BPNT1: variants seen among roughly 807,000 people sequenced by gnomAD.
BPNT1 encodes 3'(2'),5'-bisphosphate nucleotidase 1.
A neutral mutation model predicts 36.9 loss-of-function variants in BPNT1; 28 were observed. The ratio of observed to expected loss-of-function variants is 0.76; its 90% CI spans 0.56 to 1.04. BPNT1 has a LOEUF of 1.04. Ranked by LOEUF, BPNT1 falls within the 50% of genes least tolerant of loss-of-function variation. The pLI is 0.00. For synonymous variants in BPNT1, 119 were observed against 130.9 expected (o/e 0.91, Z 0.62); for missense variants, 313 against 372.9 (o/e 0.84, Z 1.32).
intron 7 of BPNT1, 62 bp downstream of exon 7, chr1:220,062,695 A>G: frequency 4.5e-6 from 7 of 1,558,030 alleles, no homozygotes; most frequent in Non-Finnish European, 5.3e-6. Context: ...TCATGTTTTT[A>G]GAAGTTGAGT....
intron 2 of BPNT1, among the ~76,000 whole-genome samples, chr1:220,075,610 G>T (rs1411168228): frequency 6.6e-6 from 1 of 152,076 alleles, no homozygotes; most frequent in African/African-American, 2.4e-5. Context: ...GTAGACCACT[G>T]CGGTAGAGAA....
chr1:220,058,775 T>A lies in BPNT1; in HGVS notation c.*69A>T. The A allele has an allele frequency of 1.2e-5, 17 of 1,457,428 alleles. No homozygotes were observed. The highest frequency in any genetic ancestry group is 1.5e-5 in the Non-Finnish European group (16 of 1,050,728). The allele number at this position is 1,457,428 out of a possible 1,614,324, so 90.3% of individuals were successfully genotyped here. ...AACTCCTGAGCTCAAGTGATCCACC[T>A]GCCTCGGCCTCCCAAAGTGCTGGGA... is the stretch of plus-strand genomic sequence containing the variant. On this transcript the variant is annotated 3_prime_UTR_variant, in exon 9 of 9. Coordinates refer to ENST00000322067, the MANE Select transcript of BPNT1 (RefSeq NM_006085.6).
At chr1:220,064,061 A>G (rs982863731) in intron 6 of BPNT1, among the ~76,000 whole-genome samples, 11 of 152,168 alleles carry the variant, frequency 7.2e-5, no homozygotes, top group African/African-American at 2.7e-4. Context: ...AGTGCTTTAC[A>G]TGTATTATCT....
rs760789654 is a variant in BPNT1 at position 220,082,122 on chromosome 1, T to A, written c.-8-2268A>T. Among the ~76,000 whole-genome samples the A allele has an allele frequency of 1.7e-3, 214 of 128,900 alleles. 1 individual carries two copies. Among genetic ancestry groups the A allele is most frequent in the African/African-American group, 4.2e-3 (141 of 33,618 alleles). The allele number at this position is 128,900 out of a possible 152,430, so 84.6% of individuals were successfully genotyped here. A position where few individuals can be genotyped will look rare whatever the true frequency, so the allele number is the denominator to read the frequency against. On this transcript the variant is annotated intron_variant, in intron 1 of 8. Transcript: ENST00000322067. The stretch of plus-strand genomic sequence containing the variant: ...GAGAGAGAGAGAGAGAGAGAGAGAG[T>A]GTATATATATATAAAATATATATGA...
chr1:220,070,890 C>T (rs1342212907), intron 4 of BPNT1, among the ~76,000 whole-genome samples: 8 of 151,166 alleles, frequency 5.3e-5, no homozygotes, highest in Non-Finnish European at 1.0e-4. Flanking sequence ...ATAATCCCAG[C>T]ACTTTGGGAG....
At position 220,079,699 on chromosome 1, in the gene BPNT1, GTATGAAATGA is replaced by G; in HGVS notation, c.120+18_120+27del. 1 of 1,612,844 alleles carries G rather than the reference GTATGAAATGA, an allele frequency of 6.2e-7. No homozygotes were observed. The highest frequency in any genetic ancestry group is 8.5e-7 in the Non-Finnish European group (1 of 1,179,506). ...AACCTCAAGAACAAAAATCAAGTTG[GTATGAAATGA>G]TATGAGAGTTTGAGTACCTTCTCCA... On this transcript the variant is annotated intron_variant, in intron 2 of 8. Transcript: ENST00000322067.
At chr1:220,078,659 G>A (rs1376421242) in intron 2 of BPNT1, among the ~76,000 whole-genome samples, 2 of 150,490 alleles carry the variant, frequency 1.3e-5, no homozygotes, top group African/African-American at 2.4e-5. Flanking sequence ...GTGCAATGGT[G>A]TGATCTCAGC....
intron 2 of BPNT1, 94 bp downstream of exon 2, chr1:220,079,633 T>G (rs1664921081): frequency 2.0e-6 from 3 of 1,488,764 alleles, no homozygotes; most frequent in Middle Eastern, 1.8e-4. Context: ...TCAATTATTT[T>G]AACTGATAAA....
chr1:220,073,668 C>T (rs541725795), intron 3 of BPNT1, among the ~76,000 whole-genome samples: 2 of 152,156 alleles, frequency 1.3e-5, no homozygotes, highest in East Asian at 1.9e-4. Context: ...CAAACAACAA[C>T]GAAACCCATT....
chr1:220,075,961 A>G (rs2102712993), intron 2 of BPNT1, among the ~76,000 whole-genome samples: 2 of 152,334 alleles, frequency 1.3e-5, no homozygotes, highest in Middle Eastern at 6.8e-3. Flanking sequence ...AAGGAAAAGG[A>G]TCTGAAAGGA....
Position 220,062,857 on chromosome 1 carries a change from A to C in BPNT1, c.572T>G (p.Ile191Ser), listed in dbSNP as rs1663179273. 1 of 1,614,002 alleles carries C rather than the reference A, an allele frequency of 6.2e-7. No individual in the cohort carries two copies. Among genetic ancestry groups the C allele is most frequent in the African/African-American group, 1.3e-5 (1 of 74,900 alleles). The change falls in exon 7 of 9, where the codon ATT becomes AGT. Residue 191 changes from isoleucine to serine, a missense_variant. Ile to Ser is a moderately radical substitution (Grantham distance 142). Transcript: ENST00000322067. The part of the protein sequence containing the change: ...QLKEVPAGKH[I>S]ITTTRSHSNK... Reference sequence around the variant, plus strand: ...GCTATGGGATCGAGTAGTTGTGATAATGTGTTTCCCAGCAGGGACTTCTTT... The same window carrying C: ...GCTATGGGATCGAGTAGTTGTGATACTGTGTTTCCCAGCAGGGACTTCTTT...
chr1:220,064,237 A>T (rs934651950), intron 6 of BPNT1, among the ~76,000 whole-genome samples: 1 of 152,330 alleles, frequency 6.6e-6, no homozygotes, highest in Admixed American at 6.5e-5. Context: ...CTTAAACACT[A>T]AATTAGACTG....
intron 4 of BPNT1, among the ~76,000 whole-genome samples, chr1:220,069,707 G>T (rs779276561): frequency 2.0e-5 from 3 of 152,068 alleles, no homozygotes; most frequent in African/African-American, 4.8e-5. Flanking sequence ...AGGCCGAGGC[G>T]GGTGGATCAC....
chr1:220,077,001 C>T (rs1284140184), intron 2 of BPNT1, among the ~76,000 whole-genome samples: 1 of 152,134 alleles, frequency 6.6e-6, no homozygotes, highest in Admixed American at 6.5e-5. Context: ...ATTTGATAAG[C>T]ATGTTTTCTA....
rs138765420 is a variant in BPNT1, at chr1:220,087,491, G to A, written c.-9+2195C>T. ...AATTGCTTGAACCTGGGAGGTAGAAGTTGCAGTGAGCTGAGATCATTTGCA... is the reference window on the plus strand; with the variant it reads ...AATTGCTTGAACCTGGGAGGTAGAAATTGCAGTGAGCTGAGATCATTTGCA... On this transcript the variant is annotated intron_variant, in intron 1 of 8. Transcript: ENST00000322067. Among the ~76,000 whole-genome samples, 797 of 152,230 alleles carry A rather than the reference G, an allele frequency of 5.2e-3. 3 individuals are homozygous for A. Among genetic ancestry groups the A allele is most frequent in the African/African-American group, 0.017 (708 of 41,540 alleles).
At chr1:220,089,655 C>T (rs925122525) in intron 1 of BPNT1, 31 bp downstream of exon 1, 6 of 152,174 alleles carry the variant, frequency 3.9e-5, no homozygotes, top group Non-Finnish European at 5.9e-5. Flanking sequence ...TGGCTCTTGC[C>T]CTGACCGGCC....
intron 3 of BPNT1, 124 bp from the exon 4 acceptor site, chr1:220,073,081 A>G: frequency 1.2e-6 from 1 of 854,058 alleles, no homozygotes; most frequent in African/African-American, 1.7e-5. Flanking sequence ...TACCATTTAT[A>G]TTTAGAGCTT....
intron 6 of BPNT1, among the ~76,000 whole-genome samples, chr1:220,063,813 G>C (rs1347869449): frequency 6.6e-6 from 1 of 152,030 alleles, no homozygotes; most frequent in Admixed American, 6.6e-5. Context: ...ACAGCAAAAT[G>C]ACAATGATAA....
At chr1:220,063,942 A>C (rs1663293221) in intron 6 of BPNT1, among the ~76,000 whole-genome samples, 1 of 152,218 alleles carries the variant, frequency 6.6e-6, no homozygotes, top group African/African-American at 2.4e-5. Context: ...TGATACATAA[A>C]ATGATTGATG....
Sources: gnomAD v4.1 joint callset for allele counts (sites outside exome capture counted in the v4.1 genomes callset) on GRCh38, gnomAD v4.1.1 for gene constraint, MANE v1.5 for transcripts, NCBI Gene and HGNC (gene_info 2026-07-23, HGNC 2026-07-21) for gene names.